SWAP70: variants seen among roughly 807,000 people sequenced by gnomAD.
SWAP70 encodes the protein switching B cell complex subunit SWAP70, also known as switch-associated protein 70.
In SWAP70, 34 loss-of-function variants were observed where a neutral mutation model predicts 80.2. That is an observed-to-expected ratio of 0.42 (90% confidence interval 0.32 to 0.56). The LOEUF (loss-of-function observed/expected upper bound fraction) is 0.56, where lower values mean the gene tolerates loss of function less well. Among genes scored for constraint, SWAP70 ranks in the 20% least tolerant of loss-of-function variants. The probability of loss-of-function intolerance (pLI) is 0.09; values close to 1 mark genes in which losing one functional copy is unlikely to be tolerated. For missense variants in SWAP70, 578 were observed against 690.7 expected (o/e 0.84, Z 1.83); for synonymous variants, 239 against 238.5 (o/e 1.00, Z -0.02).
intron 3 of SWAP70, chr11:9,720,147 T>C: frequency 4.3e-5 from 42 of 985,266 alleles, no homozygotes; most frequent in Non-Finnish European, 4.8e-5. Flanking sequence ...AGAATGGTAA[T>C]GTTTGTCTCT....
chr11:9,671,570 A>C (rs1035734003), intron 1 of SWAP70, among the ~76,000 whole-genome samples: 31 of 60,228 alleles, frequency 5.1e-4, no homozygotes, highest in South Asian at 1.1e-3. Flanking sequence ...AAATATATTT[A>C]TATAGAAATA....
At chr11:9,720,216 T>C (rs1338255080) in intron 3 of SWAP70, 4 of 985,268 alleles carry the variant, frequency 4.1e-6, no homozygotes, top group Middle Eastern at 5.2e-4. Context: ...GATACGTATA[T>C]GATTGTGTTG....
chr11:9,748,754 T>A (rs905902914), intron 10 of SWAP70, among the ~76,000 whole-genome samples: 5 of 152,098 alleles, frequency 3.3e-5, no homozygotes, highest in Non-Finnish European at 4.4e-5. Context: ...GGATTTGGAG[T>A]GGAGAGGCAG....
chr11:9,729,543 G>C, intron 6 of SWAP70, 92 bp downstream of exon 6: 1 of 893,844 alleles, frequency 1.1e-6, no homozygotes, highest in Non-Finnish European at 1.8e-6. Context: ...CTGTTGCCCG[G>C]GCTGTAGTGC....
chr11:9,747,431 C>T (rs1008405569), intron 9 of SWAP70, among the ~76,000 whole-genome samples: 1 of 152,202 alleles, frequency 6.6e-6, no homozygotes, highest in Admixed American at 6.5e-5. Context: ...GTTGTAGCAA[C>T]CAGGCAAACT....
chr11:9,685,577 T>C (rs980828960), intron 1 of SWAP70, among the ~76,000 whole-genome samples: 2 of 150,612 alleles, frequency 1.3e-5, no homozygotes, highest in Non-Finnish European at 3.0e-5. Context: ...ATAAGGTCAT[T>C]GATCCCATTT....
intron 1 of SWAP70, among the ~76,000 whole-genome samples, chr11:9,665,778 G>A (rs1043197026): frequency 6.6e-6 from 1 of 152,126 alleles, no homozygotes; most frequent in Non-Finnish European, 1.5e-5. Flanking sequence ...GCATCTGTGA[G>A]AATTTGTGTT....
intron 2 of SWAP70, among the ~76,000 whole-genome samples, chr11:9,696,594 C>T (rs1850760982): frequency 6.6e-6 from 1 of 152,128 alleles, no homozygotes; most frequent in Non-Finnish European, 1.5e-5. Context: ...ATTATACATA[C>T]AGCTCTGCAA....
chr11:9,697,959 C>T (rs1006741813), intron 2 of SWAP70, among the ~76,000 whole-genome samples: 3 of 151,662 alleles, frequency 2.0e-5, no homozygotes, highest in Admixed American at 6.6e-5. Context: ...TAAGTTTTAA[C>T]ATTTTTTATA....
Position 9,664,081 on chromosome 11 carries a change from G to T in SWAP70, c.-99G>T. The T allele has an allele frequency of 8.3e-7, 1 of 1,205,378 alleles. No homozygotes were observed. Among genetic ancestry groups the T allele is most frequent in the South Asian group, 1.7e-5 (1 of 58,578 alleles). The allele number at this position is 1,205,378 out of a possible 1,614,324, so 74.7% of individuals were successfully genotyped here. A position where few individuals can be genotyped will look rare whatever the true frequency, so the allele number is the denominator to read the frequency against. ...GGGGGCGGGGCCTGGCGGGTCAGGT[G>T]ACTGCGCGGCGGGCTGTGGCTGCGG... is the stretch of plus-strand genomic sequence containing the variant. On this transcript the variant is annotated 5_prime_UTR_variant, in exon 1 of 12. Coordinates refer to ENST00000318950, the MANE Select transcript of SWAP70 (RefSeq NM_015055.4).
In SWAP70 at chr11:9,713,611, A is replaced by G. The variant is rs1361324542; in HGVS notation, c.386A>G (p.Lys129Arg). 2.5e-6 allele frequency: 4 copies of G among 1,613,538 alleles called. No individual in the cohort carries two copies. The highest frequency in any genetic ancestry group is 2.2e-5 in the South Asian group (2 of 91,060). ...WVIFNFLSED[K>R]YPLIIVSEEI... ...ATTTTCAACTTTTTATCTGAGGACA[A>G]GTATCCATTAATTATTGTGTCAGAA... Residue 129 changes from lysine to arginine, a missense_variant, in exon 3 of 12, where the codon AAG (lysine) becomes AGG (arginine). Physicochemically the swap from Lys to Arg is conservative, Grantham distance 26. Transcript: ENST00000318950.
intron 1 of SWAP70, among the ~76,000 whole-genome samples, chr11:9,672,094 T>A (rs1850421057): frequency 7.8e-6 from 1 of 128,968 alleles, no homozygotes; most frequent in South Asian, 2.2e-4. Context: ...ATAATTTAAA[T>A]ATAATTATAA....
At chr11:9,702,258 A>G (rs898068199) in intron 2 of SWAP70, among the ~76,000 whole-genome samples, 8 of 152,172 alleles carry the variant, frequency 5.3e-5, no homozygotes, top group African/African-American at 1.9e-4. Context: ...AAGCACTTCA[A>G]ATGTGTGCCT....
rs563672171 is a variant in SWAP70 at position 9,725,859 on chromosome 11, C to T, written c.642+974C>T. On this transcript the variant is annotated intron_variant, in intron 4 of 11. Coordinates refer to ENST00000318950, the MANE Select transcript of SWAP70 (RefSeq NM_015055.4). ...TGTTGGCATTACAGGCGTGAACCGC[C>T]GCGCCCAGGCCATTTCCAAAATATT... Among the ~76,000 whole-genome samples, 285 of 152,220 alleles carry T rather than the reference C, an allele frequency of 1.9e-3. 1 individual carries two copies. Among genetic ancestry groups the T allele is most frequent in the Non-Finnish European group, 3.1e-3 (212 of 68,014 alleles).
At chr11:9,748,376 C>G (rs1851539170) in intron 10 of SWAP70, among the ~76,000 whole-genome samples, 2 of 152,228 alleles carry the variant, frequency 1.3e-5, no homozygotes, top group Admixed American at 1.3e-4. Flanking sequence ...GCCTCGAAAA[C>G]TGAGGCAGAG....
chr11:9,730,143 A>G (rs899379227), intron 6 of SWAP70, among the ~76,000 whole-genome samples: 2 of 151,968 alleles, frequency 1.3e-5, no homozygotes, highest in Non-Finnish European at 2.9e-5. Context: ...TCCAATGTCT[A>G]TTATTCCTTG....
At chr11:9,725,569 A>T (rs928330723) in intron 4 of SWAP70, among the ~76,000 whole-genome samples, 2,820 of 25,928 alleles carry the variant, frequency 0.11, 208 homozygotes, top group African/African-American at 0.18. Context: ...ATATATATAT[A>T]TTTTTTTTTT....
chr11:9,701,691 CTTTTTTTTTTTT>C (rs1163108695), intron 2 of SWAP70, among the ~76,000 whole-genome samples: 25 of 68,528 alleles, frequency 3.6e-4, no homozygotes, highest in East Asian at 9.2e-4. Context: ...TTTGTGGGCT[CTTTTTTTTTTTT>C]TTTTTTTTTT....
At chr11:9,718,545 A>G (rs1004485042) in intron 3 of SWAP70, among the ~76,000 whole-genome samples, 2 of 152,230 alleles carry the variant, frequency 1.3e-5, no homozygotes, top group Admixed American at 6.5e-5. Flanking sequence ...TAACACTTCA[A>G]AAACTATATT....
Sources: allele counts gnomAD v4.1 joint callset (sites outside exome capture counted in the v4.1 genomes callset), GRCh38; gene constraint gnomAD v4.1.1; transcripts MANE v1.5; gene names NCBI Gene and HGNC (gene_info 2026-07-23, HGNC 2026-07-21).